The following ZNF726 variants were observed in gnomAD, a reference collection of about 807,000 sequenced individuals.
The protein encoded by ZNF726 is zinc finger protein 92 pseudogene 3.
ZNF726 carries 15 observed loss-of-function variants against 11.6 expected under a neutral mutation model. The observed-to-expected ratio is 1.29, with a 90% confidence interval of 0.86 to 1.99. The LOEUF (loss-of-function observed/expected upper bound fraction) is 1.99. ZNF726 is among the 30% of genes most tolerant of loss of function. The pLI is 0.00. For missense variants in ZNF726, 890 were observed against 725.6 expected, an observed-to-expected ratio of 1.23 and a Z score of -2.60; for synonymous variants, 295 against 243.6, an observed-to-expected ratio of 1.21 and a Z score of -1.96.
At chr19:23,937,226 G>A (rs941973388), downstream of ZNF726, among the ~76,000 whole-genome samples, 27 of 150,822 alleles carry the variant, frequency 1.8e-4, 1 homozygote, top group Admixed American at 9.2e-4. Context: ...GCGGCTGGCC[G>A]GGCAGGGGGC....
intron 4 of ZNF726, chr19:23,944,635 AT>A (rs56892863): frequency 4.2e-4 from 76 of 181,216 alleles, no homozygotes; most frequent in South Asian, 9.5e-4. Flanking sequence ...CCTGTTGATT[AT>A]TTTTTTTGCT....
At chr19:23,935,835 C>A (rs1321715167), downstream of ZNF726, 1 of 154,604 alleles carries the variant, frequency 6.5e-6, no homozygotes, top group Non-Finnish European at 1.4e-5. Context: ...TCACATCTTA[C>A]TCAAAATCAG....
At chr19:23,922,290 C>A (rs564835492) in intron 3 of ZNF726, among the ~76,000 whole-genome samples, 3 of 151,902 alleles carry the variant, frequency 2.0e-5, no homozygotes, top group Non-Finnish European at 4.4e-5. Flanking sequence ...TGGCTTTCAC[C>A]CAGTACAAGA....
At chr19:23,938,573 G>A (rs1034937764), downstream of ZNF726, among the ~76,000 whole-genome samples, 11 of 136,146 alleles carry the variant, frequency 8.1e-5, no homozygotes. Context: ...CCATAATTTT[G>A]TTTGTTCGTT....
intron 3 of ZNF726, among the ~76,000 whole-genome samples, chr19:23,943,162 A>G (rs539145844): frequency 6.6e-4 from 101 of 152,296 alleles, no homozygotes; most frequent in African/African-American, 2.4e-3. Context: ...CTAGGACTAC[A>G]AATGTGCACC....
At position 23,944,591 on chromosome 19, in the gene ZNF726, A is replaced by G. The variant is rs557135656; in HGVS notation, c.323-162A>G. 9 of 156,160 alleles carry G rather than the reference A, an allele frequency of 5.8e-5. No homozygotes were observed. In the South Asian group the frequency reaches 1.6e-3, roughly 28 times the overall value. The allele number at this position is 156,160 out of a possible 1,614,324, so 9.7% of individuals were successfully genotyped here. A position where few individuals can be genotyped will look rare whatever the true frequency, so the allele number is the denominator to read the frequency against. Reference sequence around the variant, plus strand: ...TTTCATTTTGGCACATAGTTTGCAAATATGTTCATTTATTCTGTAGGTTGC... The same window carrying G: ...TTTCATTTTGGCACATAGTTTGCAAGTATGTTCATTTATTCTGTAGGTTGC... On this transcript the variant is annotated intron_variant, in intron 4 of 4. Coordinates refer to the ZNF726 transcript ENST00000334589.
chr19:23,935,172 G>T (rs746649255), downstream of ZNF726: 54 of 404,140 alleles, frequency 1.3e-4, no homozygotes, highest in Admixed American at 2.6e-4. Flanking sequence ...ATGTTGTGGG[G>T]AGAGACCCAG....
chr19:23,925,395 T>C (rs959974566), intron 3 of ZNF726, among the ~76,000 whole-genome samples: 3 of 152,146 alleles, frequency 2.0e-5, no homozygotes, highest in African/African-American at 7.2e-5. Flanking sequence ...GATTTCACCA[T>C]GTTGGTCAGG....
At chr19:23,923,461 G>T (rs1297600283) in intron 3 of ZNF726, 1 of 359,038 alleles carries the variant, frequency 2.8e-6, no homozygotes, top group Admixed American at 3.9e-5. Context: ...ACCCAGGCTG[G>T]AGTGCAGTGG....
At chr19:23,929,757 A>G (rs1211494298) in intron 3 of ZNF726, among the ~76,000 whole-genome samples, 1 of 152,184 alleles carries the variant, frequency 6.6e-6, no homozygotes, top group African/African-American at 2.4e-5. Context: ...TAATGTTAAA[A>G]TTATTTTATA....
At chr19:23,923,366 G>A in intron 3 of ZNF726, 1 of 398,860 alleles carries the variant, frequency 2.5e-6, no homozygotes, top group Non-Finnish European at 4.8e-6. Context: ...TGATTGTACT[G>A]CATTTTCTCT....
intron 3 of ZNF726, among the ~76,000 whole-genome samples, chr19:23,921,919 C>A (rs1253216948): frequency 6.6e-6 from 1 of 152,124 alleles, no homozygotes; most frequent in African/African-American, 2.4e-5. Flanking sequence ...GAAGCATTGA[C>A]AATAAGAGAC....
intron 3 of ZNF726, 125 bp downstream of exon 3, chr19:23,920,207 TAA>T: frequency 1.9e-6 from 1 of 535,584 alleles, no homozygotes. Flanking sequence ...GCCTGAAATT[TAA>T]AAAAAAATAT....
rs1968143070 is a variant in ZNF726, at chr19:23,932,919, A to G, written c.803A>G (p.Gln268Arg). 1 of 1,610,444 alleles carries G rather than the reference A, an allele frequency of 6.2e-7. No individual in the cohort carries two copies. The highest frequency in any genetic ancestry group is 1.1e-5 in the South Asian group (1 of 90,838). Residue 268 changes from glutamine to arginine, a missense_variant, in exon 4 of 4, where the codon CAA becomes CGA. Physicochemically the swap from Gln to Arg is conservative, Grantham distance 43. Transcript: ENST00000594466. ...KCEECGKAFS[Q>R]SSTLTIHKRI... ...GAAGAATGTGGCAAAGCATTTAGCC[A>G]ATCCTCAACACTAACCATACATAAG...
rs532770695 is a variant in ZNF726, at chr19:23,927,120, T to C, written c.227-5223T>C. On this transcript the variant is annotated intron_variant, in intron 3 of 3. Transcript: ENST00000594466. ...AACTTCCAGAGTAGCTGGGATTACATGCCCAGCTAAATTTTTTTGTATTTT... is the reference window on the plus strand; with the variant it reads ...AACTTCCAGAGTAGCTGGGATTACACGCCCAGCTAAATTTTTTTGTATTTT... Among the ~76,000 whole-genome samples, 426 of 152,070 alleles carry C rather than the reference T, an allele frequency of 2.8e-3. 2 individuals carry two copies. Among genetic ancestry groups the C allele is most frequent in the Middle Eastern group, 0.01 (3 of 294 alleles).
chr19:23,940,970 C>T (rs574076357), intron 3 of ZNF726, among the ~76,000 whole-genome samples: 1 of 152,124 alleles, frequency 6.6e-6, no homozygotes, highest in South Asian at 2.1e-4. Flanking sequence ...GATTTGGATG[C>T]CCTTTATTTC....
intron 3 of ZNF726, among the ~76,000 whole-genome samples, chr19:23,932,110 T>C (rs1968118910): frequency 6.6e-6 from 1 of 152,200 alleles, no homozygotes; most frequent in African/African-American, 2.4e-5. Flanking sequence ...TTTTGCATTG[T>C]GCTCTTCTGG....
At chr19:23,918,697 G>C (rs1330647470) in intron 1 of ZNF726, among the ~76,000 whole-genome samples, 1 of 151,786 alleles carries the variant, frequency 6.6e-6, no homozygotes, top group Non-Finnish European at 1.5e-5. Flanking sequence ...CAGCTGATGT[G>C]CATAAACCAT....
At chr19:23,916,319 A>G (rs572495359) in intron 1 of ZNF726, among the ~76,000 whole-genome samples, 1 of 145,080 alleles carries the variant, frequency 6.9e-6, no homozygotes, top group South Asian at 2.2e-4. Context: ...TATTTTAATG[A>G]ATCTTTTTTT....
Sources: gnomAD v4.1 joint callset for allele counts (sites outside exome capture counted in the v4.1 genomes callset) on GRCh38, gnomAD v4.1.1 for gene constraint, MANE v1.5 for transcripts, NCBI Gene and HGNC (gene_info 2026-07-23, HGNC 2026-07-21) for gene names.